The following MVD variants were observed in gnomAD, a reference collection of about 807,000 sequenced individuals.
The protein encoded by MVD is diphosphomevalonate decarboxylase.
MVD carries 52 observed loss-of-function variants against 42.4 expected under a neutral mutation model. The ratio of observed to expected loss-of-function variants is 1.23; its 90% CI spans 0.98 to 1.55. The LOEUF (loss-of-function observed/expected upper bound fraction) is 1.55, where lower values mean the gene tolerates loss of function less well. MVD is among the 40% of genes most tolerant of loss of function. The pLI is 0.00. For synonymous variants in MVD, 287 were observed against 243.2 expected (o/e 1.18, Z -1.68); for missense variants, 663 against 572.1 (o/e 1.16, Z -1.62).
At chr16:88,655,473 T>C in intron 6 of MVD, 56 bp from the exon 7 acceptor site, 3 of 1,531,640 alleles carry the variant, frequency 2.0e-6, no homozygotes, top group Middle Eastern at 2.3e-4. Context: ...CAGCAGAGGG[T>C]TCGAGGAGAG....
chr16:88,663,089 C>G lies in MVD; in HGVS notation c.-9G>C, dbSNP rs188381947. On this transcript the variant is annotated 5_prime_UTR_variant, in exon 1 of 10. Transcript: ENST00000301012. ...GGCTTCTCCGAGGCCATGGTCCCAC[C>G]GCGCAGTGACCCCAGCTCCACAGCC... The G allele has an allele frequency of 4.4e-6, 7 of 1,608,296 alleles. No homozygotes were observed. In the African/African-American group the frequency reaches 8.0e-5, roughly 18 times the overall value.
chr16:88,654,548 C>G (rs1228063464), intron 8 of MVD, 144 bp downstream of exon 8: 1 of 732,788 alleles, frequency 1.4e-6, no homozygotes, highest in Non-Finnish European at 2.1e-6. Flanking sequence ...GGACACCCTG[C>G]CCGTGGCTCC....
intron 4 of MVD, 74 bp from the exon 5 acceptor site, chr16:88,656,378 G>T: frequency 6.6e-7 from 1 of 1,511,550 alleles, no homozygotes; most frequent in Non-Finnish European, 9.1e-7. Context: ...ACCGCCCCAG[G>T]AACGTCCCAC....
rs141450781 is a variant in MVD at position 88,654,788 on chromosome 16, G to A, written c.917C>T (p.Ala306Val). 14 of 1,581,200 alleles carry A rather than the reference G, an allele frequency of 8.9e-6. No individual in the cohort carries two copies. The highest frequency in any genetic ancestry group is 6.8e-5 in the African/African-American group (5 of 73,200). Reference sequence around the variant, plus strand: ...GGTGAAGATCACGGCATTGGGGCCCGCGTCAAAGGTGTACGCCACCTGGAA... The same window carrying A: ...GGTGAAGATCACGGCATTGGGGCCCACGTCAAAGGTGTACGCCACCTGGAA... Reference protein sequence around the residue: ...GDTKVAYTFDAGPNAVIFTLD... With the variant: ...GDTKVAYTFDVGPNAVIFTLD... The change falls in exon 8 of 10, where the codon GCG becomes GTG. Residue 306 changes from alanine to valine, a missense_variant. Physicochemically the swap from Ala to Val is moderately conservative, Grantham distance 64. Transcript: ENST00000301012.
chr16:88,662,736 G>A, intron 1 of MVD: 1 of 1,463,812 alleles, frequency 6.8e-7, no homozygotes, highest in East Asian at 3.0e-5. Context: ...GATGATTGAT[G>A]ATTTCGATAG....
chr16:88,655,737 G>A lies in MVD; in HGVS notation c.604-7C>T, dbSNP rs768410823. 3.7e-5 allele frequency: 57 copies of A among 1,553,984 alleles called. No individual in the cohort carries two copies. Among genetic ancestry groups the A allele is most frequent in the African/African-American group, 5.5e-5 (4 of 73,176 alleles). ...GCTTCTTCTCAGCGCTCACCTGCAC[G>A]AGGGAGAGACAGCCTGGGCCACACC... On this transcript the variant is annotated splice_polypyrimidine_tract_variant and splice_region_variant and intron_variant, in intron 5 of 9. Transcript: ENST00000301012.
rs201844867 is a variant in MVD, at chr16:88,653,337, G to C, written c.1085C>G (p.Pro362Arg). ...GATGTATTTGACCCCACCGGGGGTC[G>C]GCTCCATGGCCAGCGCAGCCTGAAG... The part of the protein sequence containing the change: ...AELQAALAME[P>R]TPGGVKYIIV... The change falls in exon 9 of 10, where the codon CCG (proline) becomes CGG (arginine). Residue 362 changes from proline (P) to arginine (R), a missense_variant. Coordinates refer to ENST00000301012, the MANE Select transcript of MVD (RefSeq NM_002461.3). The C allele has an allele frequency of 1.2e-6, 2 of 1,600,488 alleles. No homozygotes were observed. Among genetic ancestry groups the C allele is most frequent in the East Asian group, 4.5e-5 (2 of 44,634 alleles).
Position 88,658,582 on chromosome 16 carries a change from G to A in MVD, c.141+68C>T, listed in dbSNP as rs75748916. On this transcript the variant is annotated intron_variant, in intron 2 of 9. Coordinates refer to ENST00000301012, the MANE Select transcript of MVD (RefSeq NM_002461.3). ...GCAGATGTGAGCCACCATACCCAAC[G>A]GGTACCAACTGTTCTACAAATGTTC... 5,670 of 1,504,214 alleles carry A rather than the reference G, an allele frequency of 3.8e-3. 15 individuals carry two copies. Among genetic ancestry groups the A allele is most frequent in the Non-Finnish European group, 4.4e-3 (4,824 of 1,091,250 alleles). The allele number at this position is 1,504,214 out of a possible 1,614,324, so 93.2% of individuals were successfully genotyped here. A position where few individuals can be genotyped will look rare whatever the true frequency, so the allele number is the denominator to read the frequency against.
intron 9 of MVD, 93 bp from the exon 10 acceptor site, chr16:88,652,698 G>A (rs969927488): frequency 4.0e-6 from 5 of 1,235,394 alleles, no homozygotes; most frequent in African/African-American, 3.0e-5. Context: ...GGGTAGCGGT[G>A]TGCCCCCGCC....
intron 1 of MVD, among the ~76,000 whole-genome samples, chr16:88,661,080 GA>G (rs1908262631): frequency 6.8e-6 from 1 of 147,078 alleles, no homozygotes; most frequent in South Asian, 2.1e-4. Flanking sequence ...ATGCCCAGCT[GA>G]TTTTTTTTTT....
intron 1 of MVD, chr16:88,659,316 T>G (rs954647564): frequency 6.3e-6 from 1 of 158,762 alleles, no homozygotes; most frequent in African/African-American, 2.4e-5. Flanking sequence ...CCAGGGGTGA[T>G]AAACGCGGAC....
rs1567615136 is a variant in MVD at position 88,656,155 on chromosome 16, GC to G, written c.552del (p.Gln185LysfsTer18). On this transcript the variant is annotated frameshift_variant, in exon 5 of 10. Coordinates refer to ENST00000301012, the MANE Select transcript of MVD (RefSeq NM_002461.3). ...GGCCAGTGTGACTCGGGGGCCACTT[GC>G]CGAGCGATGCTGTCCTTCCCGTCGG... ...EQADGKDSIARQVAPESHWPE... is the reference protein window; with the variant it reads ...EQADGKDSIAXQVAPESHWPE... 6.2e-7 allele frequency: 1 copy of G among 1,602,116 alleles called. No individual in the cohort carries two copies. Among genetic ancestry groups the G allele is most frequent in the Non-Finnish European group, 8.5e-7 (1 of 1,179,900 alleles).
intron 5 of MVD, 81 bp from the exon 6 acceptor site, chr16:88,655,811 C>T (rs1296998146): frequency 6.7e-7 from 1 of 1,487,862 alleles, no homozygotes; most frequent in African/African-American, 1.4e-5. Context: ...CTCGGCCCTC[C>T]CTCAGCCAAT....
At chr16:88,657,694 C>T in intron 3 of MVD, 112 bp from the exon 4 acceptor site, 1 of 1,468,986 alleles carries the variant, frequency 6.8e-7, no homozygotes, top group South Asian at 1.3e-5. Context: ...CTGCCAGACT[C>T]CTCGTGGAGA....
chr16:88,656,522 TGCAGAGCTTGCGGCCC>T, intron 4 of MVD: 2 of 599,826 alleles, frequency 3.3e-6, no homozygotes, highest in Non-Finnish European at 5.9e-6. Flanking sequence ...GTTCACGGCC[TGCAGAGCTTGCGGCCC>T]GCGACAAGGG....
chr16:88,662,904 G>C, intron 1 of MVD, 107 bp downstream of exon 1: 1 of 1,518,486 alleles, frequency 6.6e-7, no homozygotes, highest in Middle Eastern at 1.9e-4. Context: ...CGTCTGTCGA[G>C]GCCCTGGGAG....
rs1907789913 is a variant in MVD, at chr16:88,654,684, A to G, written c.1013+8T>C. The G allele has an allele frequency of 6.3e-7, 1 of 1,591,976 alleles. No individual in the cohort carries two copies. The highest frequency in any genetic ancestry group is 8.5e-7 in the Non-Finnish European group (1 of 1,172,764). On this transcript the variant is annotated splice_region_variant and intron_variant, in intron 8 of 9. Transcript: ENST00000301012. ...CCAAAAAGGAGGAGGGGCGGGGTCC[A>G]CACTCACGTGTCTCCATTCGAGCCT...
intron 6 of MVD, 38 bp from the exon 7 acceptor site, chr16:88,655,455 G>T (rs763665842): frequency 6.5e-7 from 1 of 1,539,474 alleles, no homozygotes; most frequent in Non-Finnish European, 8.7e-7. Flanking sequence ...AGCCGCTGGG[G>T]GTCTCGACAG....
rs567052614 is a variant in MVD at position 88,662,762 on chromosome 16, T to A, written c.70+249A>T. On this transcript the variant is annotated intron_variant, in intron 1 of 9. Transcript: ENST00000301012. ...ATTTCGATAGTTCGGTAATCGCTAA[T>A]GGGCAGGCGCCGGGCGACCCTGCAG... 746 of 1,483,420 alleles carry A rather than the reference T, an allele frequency of 5.0e-4. 10 individuals are homozygous for A. In the South Asian group the frequency reaches 8.4e-3, roughly 17 times the overall value. The allele number at this position is 1,483,420 out of a possible 1,614,324, so 91.9% of individuals were successfully genotyped here. A position where few individuals can be genotyped will look rare whatever the true frequency, so the allele number is the denominator to read the frequency against.
Sources: gnomAD v4.1 joint callset for allele counts (sites outside exome capture counted in the v4.1 genomes callset) on GRCh38, gnomAD v4.1.1 for gene constraint, MANE v1.5 for transcripts, NCBI Gene and HGNC (gene_info 2026-07-23, HGNC 2026-07-21) for gene names.